The following HERC5 variants were observed in gnomAD, a reference collection of about 807,000 sequenced individuals.
HERC5 encodes HECT and RLD domain containing E3 ubiquitin protein ligase 5.
Under a neutral mutation model 119.6 loss-of-function variants are expected in HERC5, and 99 were observed. The observed-to-expected ratio is 0.83, with a 90% CI of 0.70 to 0.98. HERC5 has a LOEUF of 0.98. Ranked by LOEUF, HERC5 falls within the 50% of genes least tolerant of loss-of-function variation. HERC5 has a pLI of 0.00. For missense variants in HERC5, 1,267 were observed against 1,241.3 expected (o/e 1.02, Z -0.31); for synonymous variants, 478 against 445.9 (o/e 1.07, Z -0.91).
intron 20 of HERC5, among the ~76,000 whole-genome samples, chr4:88,503,497 A>G (rs888533043): frequency 2.0e-5 from 3 of 152,328 alleles, no homozygotes; most frequent in Non-Finnish European, 1.5e-5. Context: ...TAGCATCTAT[A>G]CTATACATGT....
chr4:88,469,074 ACT>A, intron 8 of HERC5, 81 bp from the exon 9 acceptor site: 1 of 769,994 alleles, frequency 1.3e-6, no homozygotes, highest in Non-Finnish European at 2.2e-6. Context: ...AGTCAGTTTT[ACT>A]CTCTAGAGTG....
chr4:88,458,346 C>T (rs1464737350), intron 1 of HERC5, among the ~76,000 whole-genome samples: 1 of 151,090 alleles, frequency 6.6e-6, no homozygotes, highest in African/African-American at 2.4e-5. Context: ...GGAAAGCTAT[C>T]CACACTCCCA....
At chr4:88,476,142 C>G in intron 12 of HERC5, 112 bp downstream of exon 12, 3 of 785,722 alleles carry the variant, frequency 3.8e-6, no homozygotes, top group Non-Finnish European at 6.0e-6. Flanking sequence ...TTTTTTAGTT[C>G]GTATTGTTAG....
intron 8 of HERC5, 29 bp downstream of exon 8, chr4:88,468,451 A>G (rs765316062): frequency 6.7e-7 from 1 of 1,481,734 alleles, no homozygotes; most frequent in Admixed American, 1.9e-5. Context: ...GTGTTCTATA[A>G]CCTGGTATTT....
Position 88,506,054 on chromosome 4 carries a change from C to T in HERC5, c.*176C>T, listed in dbSNP as rs933255434. The T allele has an allele frequency of 1.2e-5, 7 of 601,734 alleles. 1 individual carries two copies. Among genetic ancestry groups the T allele is most frequent in the Non-Finnish European group, 2.1e-5 (7 of 340,566 alleles). The allele number at this position is 601,734 out of a possible 1,614,324, so 37.3% of individuals were successfully genotyped here. The stretch of plus-strand genomic sequence containing the variant: ...GGGATGAAGAAGAGGGTTTACTGGC[C>T]GGTTAGAACCCGTGACTGTATTCTC... On this transcript the variant is annotated 3_prime_UTR_variant, in exon 23 of 23. Coordinates refer to ENST00000264350, the MANE Select transcript of HERC5 (RefSeq NM_016323.4).
intron 17 of HERC5, among the ~76,000 whole-genome samples, chr4:88,493,470 A>T (rs563636454): frequency 6.6e-6 from 1 of 152,298 alleles, no homozygotes; most frequent in South Asian, 2.1e-4. Context: ...ATGAATTTGA[A>T]GACAAAGGCT....
At chr4:88,459,602 A>T in intron 2 of HERC5, 132 bp downstream of exon 2, 1 of 577,462 alleles carries the variant, frequency 1.7e-6, no homozygotes, top group Non-Finnish European at 2.9e-6. Context: ...TTCTGAACTG[A>T]CCAGTAAAGT....
At position 88,481,622 on chromosome 4, in the gene HERC5, T is replaced by G. The variant is rs868115365; in HGVS notation, c.1737+2115T>G. On this transcript the variant is annotated intron_variant, in intron 13 of 22. Coordinates refer to ENST00000264350, the MANE Select transcript of HERC5 (RefSeq NM_016323.4). Reference sequence around the variant, plus strand: ...TTACCCTAAATCAGGGGTCGGCAGCTTTTTTCTGGAAAGGACCAGATAGTA... The same window carrying G: ...TTACCCTAAATCAGGGGTCGGCAGCGTTTTTCTGGAAAGGACCAGATAGTA... Among the ~76,000 whole-genome samples the G allele has an allele frequency of 3.9e-5, 6 of 152,320 alleles. No homozygotes were observed. The South Asian group carries it at 8.3e-4, about 21-fold the overall frequency.
At chr4:88,479,835 A>G (rs192709767) in intron 13 of HERC5, among the ~76,000 whole-genome samples, 20 of 152,260 alleles carry the variant, frequency 1.3e-4, no homozygotes, top group African/African-American at 4.8e-4. Flanking sequence ...TAGGAGGCCA[A>G]GGCGGGCGGA....
chr4:88,499,843 T>A, intron 18 of HERC5, 83 bp from the exon 19 acceptor site: 1 of 937,162 alleles, frequency 1.1e-6, no homozygotes, highest in Non-Finnish European at 1.7e-6. Flanking sequence ...TCAGAATAGC[T>A]ATACACTTGA....
At chr4:88,487,315 T>A (rs1252705071) in intron 15 of HERC5, 136 bp downstream of exon 15, 3 of 535,648 alleles carry the variant, frequency 5.6e-6, no homozygotes, top group Non-Finnish European at 1.0e-5. Flanking sequence ...GCTTATACTC[T>A]AATGAAGACG....
At chr4:88,504,171 CCCCTCA>C in intron 20 of HERC5, 55 bp from the exon 21 acceptor site, 1 of 1,057,960 alleles carries the variant, frequency 9.5e-7, no homozygotes, top group Non-Finnish European at 1.4e-6. Flanking sequence ...TTATTTTTAG[CCCCTCA>C]CCATTTTGTT....
chr4:88,503,398 G>C (rs1389466338), intron 20 of HERC5, among the ~76,000 whole-genome samples: 2 of 152,020 alleles, frequency 1.3e-5, no homozygotes, highest in East Asian at 3.9e-4. Flanking sequence ...TTCTAAATAG[G>C]TTTCTTGGAT....
chr4:88,477,039 C>CA (rs1371492480), intron 12 of HERC5, among the ~76,000 whole-genome samples: 2 of 141,408 alleles, frequency 1.4e-5, no homozygotes, highest in Non-Finnish European at 3.0e-5. Context: ...CTTCTTTTCC[C>CA]AAAAAAAGTA....
intron 19 of HERC5, among the ~76,000 whole-genome samples, chr4:88,500,329 T>G (rs928612622): frequency 2.6e-5 from 4 of 152,240 alleles, no homozygotes; most frequent in Non-Finnish European, 5.9e-5. Flanking sequence ...TTGTCTCTGT[T>G]CCCTGTGGTC....
chr4:88,489,710 T>C (rs1461370315), intron 16 of HERC5, among the ~76,000 whole-genome samples: 3 of 152,168 alleles, frequency 2.0e-5, no homozygotes, highest in Non-Finnish European at 4.4e-5. Flanking sequence ...TTTGTTCTTA[T>C]GCAATAACCT....
rs771954498 is a variant in HERC5 at position 88,457,387 on chromosome 4, G to C, written c.118G>C (p.Ala40Pro). The C allele has an allele frequency of 7.1e-7, 1 of 1,408,652 alleles. No homozygotes were observed. Among genetic ancestry groups the C allele is most frequent in the Non-Finnish European group, 9.2e-7 (1 of 1,082,286 alleles). The allele number at this position is 1,408,652 out of a possible 1,614,324, so 87.3% of individuals were successfully genotyped here. Residue 40 changes from alanine (A) to proline (P), a missense_variant, in exon 1 of 23, where the codon GCG (alanine) becomes CCG (proline). By Grantham distance (27) the Ala-to-Pro change is conservative. Transcript: ENST00000264350. ...GAQLWLFPSA[A>P]GLHRALLRRV... ...ACAGCTCTGGCTCTTTCCCAGCGCC[G>C]CGGGCCTCCACCGCGCGCTGCTCCG...
At chr4:88,461,886 A>T (rs1181425676) in intron 3 of HERC5, among the ~76,000 whole-genome samples, 1 of 152,118 alleles carries the variant, frequency 6.6e-6, no homozygotes, top group Non-Finnish European at 1.5e-5. Flanking sequence ...CAAATTTATT[A>T]TGTTGAAGAT....
At chr4:88,491,798 C>T (rs781594552) in intron 16 of HERC5, among the ~76,000 whole-genome samples, 17 of 151,492 alleles carry the variant, frequency 1.1e-4, no homozygotes, top group Non-Finnish European at 1.9e-4. Context: ...TAAGGGGGAC[C>T]TTAACATGTT....
Sources: allele counts gnomAD v4.1 joint callset (sites outside exome capture counted in the v4.1 genomes callset), GRCh38; gene constraint gnomAD v4.1.1; transcripts MANE v1.5; gene names NCBI Gene and HGNC (gene_info 2026-07-23, HGNC 2026-07-21).